PNPT1: variants seen among roughly 807,000 people sequenced by gnomAD.
The protein encoded by PNPT1 is polyribonucleotide nucleotidyltransferase 1, mitochondrial.
Under a neutral mutation model 119.5 loss-of-function variants are expected in PNPT1, and 53 were observed. The ratio of observed to expected loss-of-function variants is 0.44; its 90% CI spans 0.36 to 0.56. The LOEUF (loss-of-function observed/expected upper bound fraction) is 0.56, where lower values mean the gene tolerates loss of function less well. Among genes scored for constraint, PNPT1 ranks in the 20% least tolerant of loss-of-function variants. The pLI is 0.00. For synonymous variants in PNPT1, 357 were observed against 322.1 expected (o/e 1.11, Z -1.16); for missense variants, 948 against 938.5 (o/e 1.01, Z -0.13).
intron 1 of PNPT1, among the ~76,000 whole-genome samples, chr2:55,691,878 A>ATATTTTT (rs1326804958): frequency 9.1e-5 from 3 of 33,126 alleles, no homozygotes; most frequent in East Asian, 1.1e-3. Flanking sequence ...ATATATATAT[A>ATATTTTT]TTTTTTTTTT....
chr2:55,692,882 G>T (rs1249046475), intron 1 of PNPT1, among the ~76,000 whole-genome samples: 1 of 152,138 alleles, frequency 6.6e-6, no homozygotes, highest in Non-Finnish European at 1.5e-5. Flanking sequence ...GATTACAGGT[G>T]TGAGCGCCTG....
chr2:55,686,221 C>G (rs949346082), intron 3 of PNPT1, 149 bp downstream of exon 3: 2 of 662,350 alleles, frequency 3.0e-6, no homozygotes, highest in African/African-American at 3.7e-5. Context: ...AGTTTATACT[C>G]TTTTAATGAA....
At chr2:55,637,953 C>T (rs1297388098) in intron 26 of PNPT1, among the ~76,000 whole-genome samples, 1 of 147,810 alleles carries the variant, frequency 6.8e-6, no homozygotes, top group African/African-American at 2.5e-5. Context: ...TGAGCCGAGA[C>T]CACGCCATTG....
At chr2:55,654,141 C>A (rs1245375295) in intron 18 of PNPT1, among the ~76,000 whole-genome samples, 1 of 151,750 alleles carries the variant, frequency 6.6e-6, no homozygotes, top group Non-Finnish European at 1.5e-5. Context: ...CCTGTAATTC[C>A]AGCTACTCAG....
chr2:55,646,379 G>A (rs763292826), intron 20 of PNPT1, 36 bp downstream of exon 20: 1 of 1,602,724 alleles, frequency 6.2e-7, no homozygotes, highest in East Asian at 2.2e-5. Flanking sequence ...TTATTTAAAT[G>A]TTACAAAAAT....
intron 18 of PNPT1, among the ~76,000 whole-genome samples, chr2:55,654,131 C>T (rs1391067455): frequency 1.3e-5 from 2 of 152,012 alleles, no homozygotes; most frequent in Admixed American, 6.6e-5. Flanking sequence ...GTAGCACGCA[C>T]CTGTAATTCC....
intron 18 of PNPT1, among the ~76,000 whole-genome samples, chr2:55,649,874 C>T (rs560007290): frequency 6.6e-6 from 1 of 152,244 alleles, no homozygotes; most frequent in African/African-American, 2.4e-5. Flanking sequence ...AACTTTAGAA[C>T]AGAATAAACT....
At chr2:55,666,928 T>C in intron 13 of PNPT1, 63 bp downstream of exon 13, 1 of 1,056,516 alleles carries the variant, frequency 9.5e-7, no homozygotes, top group Non-Finnish European at 1.4e-6. Flanking sequence ...CTAATGTACT[T>C]CTATTAGATC....
intron 22 of PNPT1, 129 bp from the exon 23 acceptor site, chr2:55,644,849 G>A: frequency 4.1e-6 from 2 of 491,360 alleles, no homozygotes; most frequent in East Asian, 3.3e-5. Flanking sequence ...CTATAAAACA[G>A]AAAAGTAGAT....
chr2:55,644,092 G>A (rs183686775), intron 23 of PNPT1, among the ~76,000 whole-genome samples: 11 of 151,892 alleles, frequency 7.2e-5, no homozygotes, highest in East Asian at 3.9e-4. Context: ...TCTTTCTCCC[G>A]CTTACTCTTA....
chr2:55,671,453 T>G (rs1355505821), intron 10 of PNPT1, 77 bp from the exon 11 acceptor site: 1 of 850,378 alleles, frequency 1.2e-6, no homozygotes, highest in Non-Finnish European at 1.8e-6. Flanking sequence ...TATTATACAA[T>G]GAACACATTG....
At chr2:55,671,578 T>C (rs911309681) in intron 10 of PNPT1, among the ~76,000 whole-genome samples, 7 of 152,218 alleles carry the variant, frequency 4.6e-5, no homozygotes, top group African/African-American at 7.2e-5. Flanking sequence ...CTAAAACTTA[T>C]ATTAAAAAGA....
intron 11 of PNPT1, among the ~76,000 whole-genome samples, chr2:55,668,776 C>G (rs1696816906): frequency 6.6e-6 from 1 of 151,660 alleles, no homozygotes; most frequent in African/African-American, 2.4e-5. Flanking sequence ...ATTTGTGTAT[C>G]TTTAGTAGAG....
At position 55,656,374 on chromosome 2, in the gene PNPT1, T is replaced by TA. The variant is rs745754666; in HGVS notation, c.1285-4dup. 0.12 allele frequency: 119,637 copies of TA among 960,932 alleles called. 9 individuals are homozygous for TA. Among genetic ancestry groups the TA allele is most frequent in the South Asian group, 0.15 (8,021 of 52,118 alleles). The allele number at this position is 960,932 out of a possible 1,614,324, so 59.5% of individuals were successfully genotyped here. ...TCATTAGTTGCATAAGGAGGAAACT[T>TA]AAAAAAAAAAAAACACAAACACACA... On this transcript the variant is annotated splice_region_variant and splice_polypyrimidine_tract_variant and intron_variant, in intron 15 of 27. Coordinates refer to ENST00000447944, the MANE Select transcript of PNPT1 (RefSeq NM_033109.5).
chr2:55,686,127 G>A (rs965013917), intron 3 of PNPT1, among the ~76,000 whole-genome samples: 5 of 150,470 alleles, frequency 3.3e-5, no homozygotes, highest in African/African-American at 1.2e-4. Context: ...AAGTACTCAT[G>A]CACTTCCAAT....
intron 5 of PNPT1, among the ~76,000 whole-genome samples, chr2:55,681,739 G>A (rs1697254974): frequency 6.6e-6 from 1 of 151,816 alleles, no homozygotes; most frequent in African/African-American, 2.4e-5. Context: ...CAGCTACTAG[G>A]GAGGCTGAGG....
At chr2:55,676,721 G>C (rs1697083871) in intron 8 of PNPT1, among the ~76,000 whole-genome samples, 2 of 152,048 alleles carry the variant, frequency 1.3e-5, no homozygotes, top group African/African-American at 4.8e-5. Context: ...AATTAGCCAG[G>C]TGTGGTGGTG....
chr2:55,661,860 A>T (rs1696586184), intron 14 of PNPT1, 96 bp downstream of exon 14: 1 of 1,175,578 alleles, frequency 8.5e-7, no homozygotes, highest in Non-Finnish European at 1.1e-6. Flanking sequence ...AACACAGGTT[A>T]AAAAAAGTAA....
intron 21 of PNPT1, among the ~76,000 whole-genome samples, chr2:55,645,732 G>A (rs190334535): frequency 7.9e-5 from 12 of 152,178 alleles, no homozygotes; most frequent in Non-Finnish European, 1.5e-4. Context: ...ATCTCACTAC[G>A]TTGCCCAGGC....
Sources: allele counts gnomAD v4.1 joint callset (sites outside exome capture counted in the v4.1 genomes callset), GRCh38; gene constraint gnomAD v4.1.1; transcripts MANE v1.5; gene names NCBI Gene and HGNC (gene_info 2026-07-23, HGNC 2026-07-21).